RAB3B: variants seen among roughly 807,000 people sequenced by gnomAD.
RAB3B encodes the protein ras-related protein Rab-3B.
RAB3B carries 11 observed loss-of-function variants against 20.5 expected under a neutral mutation model. The observed-to-expected ratio is 0.54, with a 90% confidence interval of 0.34 to 0.89. The LOEUF is 0.89. Among genes scored for constraint, RAB3B ranks in the 40% least tolerant of loss-of-function variants. The pLI is 0.02. For missense variants in RAB3B, 225 were observed against 280.9 expected (o/e 0.80, Z 1.42); for synonymous variants, 99 against 106.3 (o/e 0.93, Z 0.42).
At chr1:51,938,677 ATT>A (rs577123717) in intron 2 of RAB3B, among the ~76,000 whole-genome samples, 15 of 143,458 alleles carry the variant, frequency 1.0e-4, no homozygotes, top group Admixed American at 1.4e-4. Context: ...TCTTCATGTA[ATT>A]TTTTTTTTTT....
chr1:51,977,134 G>C lies in RAB3B; in HGVS notation c.1-17C>G. On this transcript the variant is annotated splice_polypyrimidine_tract_variant and intron_variant, in intron 1 of 4. Transcript: ENST00000371655. ...TGAAGCCATCTGCAAGAGAGACCTA[G>C]AGTCACTCAGGAACAGACCTTCGGT... is the stretch of plus-strand genomic sequence containing the variant. 2 of 1,604,128 alleles carry C rather than the reference G, an allele frequency of 1.2e-6. No individual in the cohort carries two copies. The highest frequency in any genetic ancestry group is 8.5e-7 in the Non-Finnish European group (1 of 1,171,178).
chr1:51,968,197 T>C (rs1351202261), intron 2 of RAB3B, among the ~76,000 whole-genome samples: 2 of 152,086 alleles, frequency 1.3e-5, no homozygotes, highest in Non-Finnish European at 2.9e-5. Flanking sequence ...AGCCAACAAA[T>C]TGATTTTAAC....
rs761901500 is a variant in RAB3B at position 51,919,966 on chromosome 1, C to T, written c.621G>A (p.Ser207=). ...MLGSSKNTRL[S]DTPPLLQQNC... ...TCTGCTGCAGCAGCGGTGGGGTGTC[C>T]GAGAGACGCGTGTTCTTGGAGGAGC... The change falls in exon 5 of 5, where the codon TCG becomes TCA. Residue 207 remains serine (S), a synonymous_variant. Transcript: ENST00000371655. The T allele has an allele frequency of 3.1e-6, 5 of 1,613,792 alleles. No homozygotes were observed. In the East Asian group the frequency reaches 6.7e-5, roughly 22 times the overall value.
At chr1:51,989,256 G>GTGTGTGTGTT (rs1439784567) in intron 1 of RAB3B, among the ~76,000 whole-genome samples, 2 of 126,902 alleles carry the variant, frequency 1.6e-5, no homozygotes, top group African/African-American at 5.5e-5. Context: ...GTGTGTGTGT[G>GTGTGTGTGTT]TTTTGAGGGC....
chr1:51,940,455 T>A (rs1372221743), intron 2 of RAB3B, among the ~76,000 whole-genome samples: 7 of 152,124 alleles, frequency 4.6e-5, no homozygotes. Context: ...AAATCCTGTC[T>A]GTATTAAAAA....
rs992974206 is a variant in RAB3B at position 51,919,708 on chromosome 1, G to A, written c.*219C>T. ...TCTTTTGTAAAGTGATTCTGCACCCGTGTAGTGACCTGTTATGTTAGTCTA... is the reference window on the plus strand; with the variant it reads ...TCTTTTGTAAAGTGATTCTGCACCCATGTAGTGACCTGTTATGTTAGTCTA... On this transcript the variant is annotated 3_prime_UTR_variant, in exon 5 of 5. Coordinates refer to ENST00000371655, the MANE Select transcript of RAB3B (RefSeq NM_002867.4). 5.5e-5 allele frequency: 25 copies of A among 455,178 alleles called. 1 individual carries two copies. Among genetic ancestry groups the A allele is most frequent in the African/African-American group, 2.7e-4 (14 of 51,458 alleles). The allele number at this position is 455,178 out of a possible 1,614,324, so 28.2% of individuals were successfully genotyped here.
Position 51,919,853 on chromosome 1 carries a change from G to A in RAB3B, c.*74C>T, listed in dbSNP as rs146486776. On this transcript the variant is annotated 3_prime_UTR_variant, in exon 5 of 5. Coordinates refer to ENST00000371655, the MANE Select transcript of RAB3B (RefSeq NM_002867.4). ...GTAACAGGGAGAGTGGGCTGAGAGCGGACAGTGTGTAACAGGGAGAAGCAG... is the reference window on the plus strand; with the variant it reads ...GTAACAGGGAGAGTGGGCTGAGAGCAGACAGTGTGTAACAGGGAGAAGCAG... The A allele has an allele frequency of 1.8e-4, 253 of 1,413,482 alleles. 2 individuals carry two copies. The Middle Eastern group carries it at 2.0e-3, about 11-fold the overall frequency. 87.6% of individuals were successfully genotyped at this position (1,413,482 alleles called of 1,614,324 possible). A position where few individuals can be genotyped will look rare whatever the true frequency, so the allele number is the denominator to read the frequency against.
intron 1 of RAB3B, among the ~76,000 whole-genome samples, chr1:51,984,081 G>A (rs1472204043): frequency 1.3e-5 from 2 of 151,556 alleles, no homozygotes; most frequent in Non-Finnish European, 2.9e-5. Context: ...TGGCCAACAT[G>A]GTGAAACCCC....
chr1:51,912,116 CTTTCTTT>C lies in RAB3B; in HGVS notation c.*7804_*7810del, dbSNP rs1191082664. The C allele has an allele frequency of 4.2e-4, 61 of 145,626 alleles. No individual in the cohort carries two copies. Among genetic ancestry groups the C allele is most frequent in the African/African-American group, 1.5e-3 (59 of 38,964 alleles). The allele number at this position is 145,626 out of a possible 1,614,324, so 9.0% of individuals were successfully genotyped here. A position where few individuals can be genotyped will look rare whatever the true frequency, so the allele number is the denominator to read the frequency against. ...CTTTTCTTCTTTTTTTTCTTTCTTT[CTTTCTTT>C]TTTTTTTTTTTTTGAGAGGGGGACA... On this transcript the variant is annotated 3_prime_UTR_variant, in exon 5 of 5. Coordinates refer to ENST00000371655, the MANE Select transcript of RAB3B (RefSeq NM_002867.4).
chr1:51,969,018 G>T (rs1684893060), intron 2 of RAB3B, among the ~76,000 whole-genome samples: 1 of 152,196 alleles, frequency 6.6e-6, no homozygotes, highest in Non-Finnish European at 1.5e-5. Context: ...TATTGGGCAG[G>T]AGCAGTGGCT....
chr1:51,912,557 ATAT>A lies in RAB3B; in HGVS notation c.*7367_*7369del, dbSNP rs1557957968. ...CCGTCTCTATTAAAAAAAAAAAAAT[ATAT>A]ATATATATATATATATATATATATA... On this transcript the variant is annotated 3_prime_UTR_variant, in exon 5 of 5. Transcript: ENST00000371655. 5.1e-4 allele frequency: 11 copies of A among 21,594 alleles called. 3 individuals are homozygous for A. The highest frequency in any genetic ancestry group is 2.3e-3 in the African/African-American group (11 of 4,736). The allele number at this position is 21,594 out of a possible 1,614,324, so 1.3% of individuals were successfully genotyped here.
chr1:51,928,499 G>A (rs556196064), intron 4 of RAB3B, among the ~76,000 whole-genome samples: 279 of 152,310 alleles, frequency 1.8e-3, no homozygotes, highest in Non-Finnish European at 3.4e-3. Context: ...CCTGAGGAGG[G>A]ATCCCATAAA....
At chr1:51,975,606 G>T (rs72665017) in intron 2 of RAB3B, among the ~76,000 whole-genome samples, 4,899 of 152,292 alleles carry the variant, frequency 0.032, 107 homozygotes, top group Non-Finnish European at 0.049. Context: ...CACTTCAGCA[G>T]CTCTGTGAAG....
At chr1:51,947,789 G>C (rs1187027842) in intron 2 of RAB3B, among the ~76,000 whole-genome samples, 1 of 151,920 alleles carries the variant, frequency 6.6e-6, no homozygotes. Flanking sequence ...TTGGATTTTA[G>C]GGTTAAAAGG....
At chr1:51,986,033 A>G (rs1685146431) in intron 1 of RAB3B, among the ~76,000 whole-genome samples, 1 of 152,100 alleles carries the variant, frequency 6.6e-6, no homozygotes, top group Non-Finnish European at 1.5e-5. Flanking sequence ...CTGGCTGGGC[A>G]TGGTGGCTCA....
intron 4 of RAB3B, among the ~76,000 whole-genome samples, chr1:51,923,152 G>A (rs377559682): frequency 3.0e-4 from 45 of 152,308 alleles, no homozygotes; most frequent in East Asian, 2.5e-3. Context: ...TCACAAATAC[G>A]AAAACAACCA....
At chr1:51,920,958 G>A (rs1684164926) in intron 4 of RAB3B, among the ~76,000 whole-genome samples, 1 of 152,106 alleles carries the variant, frequency 6.6e-6, no homozygotes, top group Admixed American at 6.5e-5. Context: ...AAAGGCCCAG[G>A]GAAAACTACA....
At chr1:51,975,629 G>T (rs916465127) in intron 2 of RAB3B, among the ~76,000 whole-genome samples, 3 of 152,168 alleles carry the variant, frequency 2.0e-5, no homozygotes, top group Non-Finnish European at 4.4e-5. Flanking sequence ...ACTCTAAGAG[G>T]CCAAATGGGA....
At chr1:51,933,799 A>C (rs909474679) in intron 3 of RAB3B, among the ~76,000 whole-genome samples, 1 of 152,226 alleles carries the variant, frequency 6.6e-6, no homozygotes, top group Non-Finnish European at 1.5e-5. Flanking sequence ...TTGTTATAGC[A>C]GCCCAAACTG....
Sources: allele counts gnomAD v4.1 joint callset (sites outside exome capture counted in the v4.1 genomes callset), GRCh38; gene constraint gnomAD v4.1.1; transcripts MANE v1.5; gene names NCBI Gene and HGNC (gene_info 2026-07-23, HGNC 2026-07-21).